Variants in FGF2 observed in about 807,000 individuals in gnomAD.
FGF2 encodes fibroblast growth factor 2, also known as basic fibroblast growth factor bFGF.
Under a neutral mutation model 15.9 loss-of-function variants are expected in FGF2, and 13 were observed. The ratio of observed to expected loss-of-function variants is 0.82; its 90% CI spans 0.53 to 1.30. FGF2 has a LOEUF of 1.30. Among genes scored for constraint, FGF2 ranks in the 50% most tolerant of loss-of-function variants. The pLI, the probability that FGF2 is intolerant of heterozygous loss-of-function variation, is 0.00. For missense variants in FGF2, 163 were observed against 196.9 expected, an observed-to-expected ratio of 0.83 and a Z score of 1.03; for synonymous variants, 90 against 78.4, an observed-to-expected ratio of 1.15 and a Z score of -0.78.
rs1727249182 is a variant in FGF2, at chr4:122,893,352, C to CTTTGTT, written c.*956_*957insTTTGTT. 1.4e-5 allele frequency: 12 copies of CTTTGTT among 858,248 alleles called. No homozygotes were observed. The highest frequency in any genetic ancestry group is 1.3e-4 in the Admixed American group (4 of 30,236). 53.2% of individuals were successfully genotyped at this position (858,248 alleles called of 1,614,324 possible). A position where few individuals can be genotyped will look rare whatever the true frequency, so the allele number is the denominator to read the frequency against. ...CATTACCCTAACAAAGTAAAGTTTT[C>CTTTGTT]AATACAAATTCTTTGCCTTGTGGAT... On this transcript the variant is annotated 3_prime_UTR_variant, in exon 3 of 3. Transcript: ENST00000644866.
chr4:122,854,730 C>T lies in FGF2; in HGVS notation c.179-21591C>T, dbSNP rs577361321. 2.6e-5 allele frequency among the ~76,000 whole-genome samples: 4 copies of T among 152,286 alleles called. No homozygotes were observed. The South Asian group carries it at 8.3e-4, about 32-fold the overall frequency. The stretch of plus-strand genomic sequence containing the variant: ...TTGGAGATGGGCCTTGAGCTCTTGG[C>T]TGGAAGCGTGGTTTTCCAAAGTGGA... On this transcript the variant is annotated intron_variant, in intron 1 of 2. Transcript: ENST00000644866.
At chr4:122,851,456 C>T (rs1726230819) in intron 1 of FGF2, among the ~76,000 whole-genome samples, 1 of 152,160 alleles carries the variant, frequency 6.6e-6, no homozygotes, top group Admixed American at 6.6e-5. Context: ...TACTTCACAC[C>T]AGCTCTGTCA....
At chr4:122,849,042 G>T (rs2150770344) in intron 1 of FGF2, among the ~76,000 whole-genome samples, 1 of 152,242 alleles carries the variant, frequency 6.6e-6, no homozygotes, top group African/African-American at 2.4e-5. Context: ...TGGGTCTCTT[G>T]GTCTATCCTT....
At chr4:122,831,747 C>T (rs1725769884) in intron 1 of FGF2, among the ~76,000 whole-genome samples, 1 of 152,130 alleles carries the variant, frequency 6.6e-6, no homozygotes, top group Non-Finnish European at 1.5e-5. Context: ...ATGACATGCC[C>T]TGAGGGGTTT....
At chr4:122,842,801 T>C (rs995270931) in intron 1 of FGF2, among the ~76,000 whole-genome samples, 1 of 152,332 alleles carries the variant, frequency 6.6e-6, no homozygotes, top group East Asian at 1.9e-4. Flanking sequence ...TATAATAATC[T>C]CACTCCTGGC....
At chr4:122,860,414 C>G (rs1726435898) in intron 1 of FGF2, among the ~76,000 whole-genome samples, 1 of 144,984 alleles carries the variant, frequency 6.9e-6, no homozygotes, top group Non-Finnish European at 1.5e-5. Context: ...CAAAGTTCCT[C>G]TATACCCTTC....
At chr4:122,859,097 T>G (rs1242174510) in intron 1 of FGF2, among the ~76,000 whole-genome samples, 1 of 152,232 alleles carries the variant, frequency 6.6e-6, no homozygotes, top group Non-Finnish European at 1.5e-5. Flanking sequence ...GCTTTCTGAT[T>G]ATCTTAGTAC....
chr4:122,865,272 T>G (rs941223956), intron 1 of FGF2, among the ~76,000 whole-genome samples: 2 of 93,992 alleles, frequency 2.1e-5, no homozygotes, highest in South Asian at 7.7e-4. Flanking sequence ...ATTTTCTCTG[T>G]TTTTTTTTGT....
chr4:122,878,750 C>T (rs1237992707), intron 2 of FGF2, among the ~76,000 whole-genome samples: 1 of 152,106 alleles, frequency 6.6e-6, no homozygotes, highest in Non-Finnish European at 1.5e-5. Context: ...CTGGCAATAA[C>T]AGTAGGTCAG....
intron 2 of FGF2, among the ~76,000 whole-genome samples, chr4:122,885,331 G>A (rs1727034536): frequency 6.6e-6 from 1 of 152,206 alleles, no homozygotes; most frequent in South Asian, 2.1e-4. Context: ...AGACAGAATA[G>A]ATGAATATCT....
At chr4:122,878,311 G>C (rs994645481) in intron 2 of FGF2, among the ~76,000 whole-genome samples, 2 of 152,064 alleles carry the variant, frequency 1.3e-5, no homozygotes, top group Non-Finnish European at 2.9e-5. Flanking sequence ...AATTTTAGAC[G>C]TTGTAAAGGA....
intron 2 of FGF2, among the ~76,000 whole-genome samples, chr4:122,877,437 C>G (rs749636056): frequency 6.6e-6 from 1 of 152,132 alleles, no homozygotes; most frequent in Non-Finnish European, 1.5e-5. Context: ...TTCTTTTTTA[C>G]ATGTTATCAC....
intron 1 of FGF2, among the ~76,000 whole-genome samples, chr4:122,846,003 A>G (rs1383751185): frequency 1.3e-5 from 2 of 152,180 alleles, no homozygotes; most frequent in Non-Finnish European, 2.9e-5. Flanking sequence ...TTTAAAGTGA[A>G]AGACAATGAG....
At chr4:122,868,728 C>A (rs1397735612) in intron 1 of FGF2, among the ~76,000 whole-genome samples, 1 of 152,168 alleles carries the variant, frequency 6.6e-6, no homozygotes, top group Non-Finnish European at 1.5e-5. Context: ...ATTTACATTC[C>A]CACCAACGGT....
rs765564750 is a variant in FGF2, at chr4:122,892,964, A to G, written c.*568A>G. On this transcript the variant is annotated 3_prime_UTR_variant, in exon 3 of 3. Coordinates refer to ENST00000644866, the MANE Select transcript of FGF2 (RefSeq NM_001361665.2). ...GTCAAACCCTTCTCTGTACCCATACAGCAGCAGCCTAGCAACTCTGCTGGT... is the reference window on the plus strand; with the variant it reads ...GTCAAACCCTTCTCTGTACCCATACGGCAGCAGCCTAGCAACTCTGCTGGT... 6 of 1,614,088 alleles carry G rather than the reference A, an allele frequency of 3.7e-6. No homozygotes were observed. The highest frequency in any genetic ancestry group is 1.1e-5 in the South Asian group (1 of 91,088).
At chr4:122,872,757 T>G (rs1726766512) in intron 1 of FGF2, among the ~76,000 whole-genome samples, 1 of 152,134 alleles carries the variant, frequency 6.6e-6, no homozygotes, top group African/African-American at 2.4e-5. Context: ...AACCCAGAAT[T>G]TCATATCCAG....
intron 1 of FGF2, among the ~76,000 whole-genome samples, chr4:122,870,994 CTG>C (rs1248315167): frequency 6.6e-6 from 1 of 152,088 alleles, no homozygotes; most frequent in Non-Finnish European, 1.5e-5. Flanking sequence ...ACTGCTTTAG[CTG>C]TGTCTCAAAG....
intron 2 of FGF2, among the ~76,000 whole-genome samples, chr4:122,880,168 C>T (rs915731295): frequency 9.2e-5 from 14 of 151,774 alleles, no homozygotes; most frequent in African/African-American, 2.7e-4. Context: ...ATACAGCCAT[C>T]GCAGATGGGA....
intron 1 of FGF2, among the ~76,000 whole-genome samples, chr4:122,846,731 G>T (rs1726120054): frequency 6.6e-6 from 1 of 152,190 alleles, no homozygotes; most frequent in African/African-American, 2.4e-5. Context: ...TTTTTTAAAA[G>T]AATGTATCCA....
Sources: allele counts gnomAD v4.1 joint callset (sites outside exome capture counted in the v4.1 genomes callset), GRCh38; gene constraint gnomAD v4.1.1; transcripts MANE v1.5; gene names NCBI Gene and HGNC (gene_info 2026-07-23, HGNC 2026-07-21).